The following CHCHD3 variants were observed in gnomAD, a reference collection of about 807,000 sequenced individuals.
CHCHD3 encodes the protein coiled-coil-helix-coiled-coil-helix domain containing 3.
In CHCHD3, 20 loss-of-function variants were observed where a neutral mutation model predicts 38.2. The ratio of observed to expected loss-of-function variants is 0.52; its 90% CI spans 0.37 to 0.76. The LOEUF is 0.76. CHCHD3 is among the 30% of genes least tolerant of loss of function. The probability of loss-of-function intolerance (pLI) is 0.00; values close to 1 mark genes in which losing one functional copy is unlikely to be tolerated. For missense variants in CHCHD3, 245 were observed against 279.2 expected (o/e 0.88, Z 0.87); for synonymous variants, 82 against 100.0 (o/e 0.82, Z 1.07).
At chr7:133,065,298 G>A (rs561230745) in intron 2 of CHCHD3, among the ~76,000 whole-genome samples, 4 of 152,158 alleles carry the variant, frequency 2.6e-5, no homozygotes, top group African/African-American at 7.2e-5. Context: ...ACGAGCCACT[G>A]ATCTGGTTCA....
Position 133,037,166 on chromosome 7 carries a change from T to C in CHCHD3, c.170-12539A>G, listed in dbSNP as rs78426830. Among the ~76,000 whole-genome samples, 63 of 152,336 alleles carry C rather than the reference T, an allele frequency of 4.1e-4. 1 individual carries two copies. In the East Asian group the frequency reaches 6.6e-3, roughly 16 times the overall value. The stretch of plus-strand genomic sequence containing the variant: ...GACGAGACCAAAGGTTAAAGTAAAA[T>C]TGATGTTGATCAAGCATTTTCTAAA... On this transcript the variant is annotated intron_variant, in intron 2 of 7. Transcript: ENST00000262570.
At chr7:132,973,744 G>T in intron 4 of CHCHD3, 1 of 1,036,918 alleles carries the variant, frequency 9.6e-7, no homozygotes, top group Non-Finnish European at 1.2e-6. Flanking sequence ...TGGTCTTTCA[G>T]AGAAGTGACT....
intron 6 of CHCHD3, among the ~76,000 whole-genome samples, chr7:132,815,088 A>T (rs1807163189): frequency 6.6e-6 from 1 of 152,240 alleles, no homozygotes; most frequent in Non-Finnish European, 1.5e-5. Context: ...CAATGAGAGC[A>T]TTTTATCAAG....
intron 4 of CHCHD3, among the ~76,000 whole-genome samples, chr7:132,963,176 T>C (rs1487164187): frequency 6.7e-6 from 1 of 149,160 alleles, no homozygotes; most frequent in Non-Finnish European, 1.5e-5. Flanking sequence ...ATATAATATA[T>C]GTAGGCAGAA....
chr7:132,883,034 C>A (rs563543161), intron 5 of CHCHD3, among the ~76,000 whole-genome samples: 2 of 135,828 alleles, frequency 1.5e-5, no homozygotes, highest in Non-Finnish European at 3.4e-5. Flanking sequence ...TTCCCCTGCA[C>A]GCTCTCTCTC....
At chr7:133,066,761 G>A (rs376571528) in intron 2 of CHCHD3, among the ~76,000 whole-genome samples, 1 of 152,090 alleles carries the variant, frequency 6.6e-6, no homozygotes, top group Non-Finnish European at 1.5e-5. Flanking sequence ...CCACTCTCTC[G>A]AAATATCAAA....
intron 5 of CHCHD3, among the ~76,000 whole-genome samples, chr7:132,872,211 C>T (rs7784653): frequency 0.3 from 46,293 of 152,028 alleles, 7,770 homozygotes; most frequent in Non-Finnish European, 0.38. Context: ...TGACCTGAAA[C>T]GAGAGAGTTG....
At chr7:132,833,414 C>T (rs1807695451) in intron 6 of CHCHD3, among the ~76,000 whole-genome samples, 1 of 152,084 alleles carries the variant, frequency 6.6e-6, no homozygotes, top group Admixed American at 6.6e-5. Flanking sequence ...TCCCTTAGTT[C>T]CCACTGAAAT....
chr7:132,983,179 C>A (rs1185917315), intron 3 of CHCHD3, among the ~76,000 whole-genome samples: 1 of 151,950 alleles, frequency 6.6e-6, no homozygotes, highest in Non-Finnish European at 1.5e-5. Context: ...AAAAATTAGC[C>A]AGGCATGGTG....
intron 6 of CHCHD3, chr7:132,830,665 G>C (rs539685654): frequency 1.3e-5 from 2 of 152,240 alleles, no homozygotes; most frequent in East Asian, 3.9e-4. Context: ...ATATTCATAA[G>C]TACATTAACA....
chr7:133,054,726 T>G (rs900340589), intron 2 of CHCHD3, among the ~76,000 whole-genome samples: 2 of 152,182 alleles, frequency 1.3e-5, no homozygotes, highest in African/African-American at 4.8e-5. Context: ...CTTCTGCTCT[T>G]TATACATTTG....
chr7:132,966,325 G>A (rs1811463024), intron 4 of CHCHD3, among the ~76,000 whole-genome samples: 1 of 152,132 alleles, frequency 6.6e-6, no homozygotes, highest in African/African-American at 2.4e-5. Context: ...ATGGGTAAGG[G>A]AATAGTTACA....
intron 4 of CHCHD3, among the ~76,000 whole-genome samples, chr7:132,969,451 T>C (rs1811556098): frequency 6.6e-6 from 1 of 152,190 alleles, no homozygotes; most frequent in African/African-American, 2.4e-5. Context: ...GTGCAGTATC[T>C]GAGGCCAGGA....
chr7:132,840,146 A>T (rs970235652), intron 5 of CHCHD3, among the ~76,000 whole-genome samples: 2 of 152,188 alleles, frequency 1.3e-5, no homozygotes, highest in African/African-American at 4.8e-5. Context: ...ACTTAACTTA[A>T]GGTTATGTCA....
In CHCHD3 at chr7:132,785,346, TA is replaced by T. The variant is rs1430256697; in HGVS notation, c.*290del. ...CATTTTATGGTCAGTGCAAGTTGAATAGAAAGTACCAAAAGGTGGAGAGGGC... is the reference window on the plus strand; with the variant it reads ...CATTTTATGGTCAGTGCAAGTTGAATGAAAGTACCAAAAGGTGGAGAGGGC... On this transcript the variant is annotated 3_prime_UTR_variant, in exon 8 of 8. Transcript: ENST00000262570. The T allele has an allele frequency of 2.4e-6, 1 of 413,790 alleles. No individual in the cohort carries two copies. The highest frequency in any genetic ancestry group is 4.3e-6 in the Non-Finnish European group (1 of 230,796). 25.6% of individuals were successfully genotyped at this position (413,790 alleles called of 1,614,324 possible).
intron 7 of CHCHD3, among the ~76,000 whole-genome samples, chr7:132,792,366 G>C (rs1225929691): frequency 6.6e-6 from 1 of 152,166 alleles, no homozygotes; most frequent in Non-Finnish European, 1.5e-5. Context: ...TGGAGAAACT[G>C]TGAAACTGTT....
chr7:132,813,771 A>T (rs1250428408), intron 6 of CHCHD3, among the ~76,000 whole-genome samples: 1 of 152,218 alleles, frequency 6.6e-6, no homozygotes, highest in Admixed American at 6.5e-5. Context: ...AGGTACCCAC[A>T]AAGTGTTCAG....
At chr7:133,008,394 A>G (rs1812761773) in intron 3 of CHCHD3, among the ~76,000 whole-genome samples, 1 of 151,406 alleles carries the variant, frequency 6.6e-6, no homozygotes, top group African/African-American at 2.4e-5. Context: ...TCAAAATGAG[A>G]CTTTTCTGTA....
intron 4 of CHCHD3, among the ~76,000 whole-genome samples, chr7:132,905,366 C>T (rs1809773403): frequency 6.6e-6 from 1 of 151,974 alleles, no homozygotes; most frequent in Admixed American, 6.6e-5. Context: ...TGAAATACCC[C>T]ATGTTCTCAC....
Sources: allele counts gnomAD v4.1 joint callset (sites outside exome capture counted in the v4.1 genomes callset), GRCh38; gene constraint gnomAD v4.1.1; transcripts MANE v1.5; gene names NCBI Gene and HGNC (gene_info 2026-07-23, HGNC 2026-07-21).